GPN1: variants seen among roughly 807,000 people sequenced by gnomAD.
GPN1 encodes GPN-loop GTPase 1, also known as ATP(GTP)-binding protein.
Under a neutral mutation model 55.9 loss-of-function variants are expected in GPN1, and 44 were observed. The ratio of observed to expected loss-of-function variants is 0.79; its 90% confidence interval spans 0.62 to 1.01. The LOEUF is 1.01. Among genes scored for constraint, GPN1 ranks in the 50% least tolerant of loss-of-function variants. The pLI is 0.00. For missense variants in GPN1, 466 were observed against 462.8 expected (o/e 1.01, Z -0.06); for synonymous variants, 179 against 162.5 (o/e 1.10, Z -0.77).
rs1464222757 is a variant in GPN1, at chr2:27,650,019, A to G, written c.1040-96A>G. The G allele has an allele frequency of 5.6e-6, 4 of 719,602 alleles. No homozygotes were observed. In the African/African-American group the frequency reaches 7.0e-5, roughly 13 times the overall value. The allele number at this position is 719,602 out of a possible 1,614,324, so 44.6% of individuals were successfully genotyped here. On this transcript the variant is annotated intron_variant, in intron 13 of 13. Coordinates refer to ENST00000610189, the MANE Select transcript of GPN1 (RefSeq NM_007266.4). ...AGGGAAGTGAGTACTTAAGTTTCTT[A>G]GAAGTAATGTACTGTTTTCTGATGG...
At chr2:27,642,645 C>T (rs1315912186) in intron 12 of GPN1, 126 bp downstream of exon 12, 7 of 603,120 alleles carry the variant, frequency 1.2e-5, no homozygotes, top group Admixed American at 7.9e-5. Flanking sequence ...CTCACCACAA[C>T]CTCCACCTCC....
At chr2:27,634,804 A>G (rs1673668968) in intron 5 of GPN1, 42 bp from the exon 6 acceptor site, 1 of 1,085,044 alleles carries the variant, frequency 9.2e-7, no homozygotes, top group Non-Finnish European at 1.4e-6. Flanking sequence ...CCTTCAGCAT[A>G]ACACAAATGT....
chr2:27,641,085 G>A (rs978187802), intron 10 of GPN1, among the ~76,000 whole-genome samples, 155 bp from the exon 11 acceptor site: 5 of 152,162 alleles, frequency 3.3e-5, no homozygotes, highest in Admixed American at 6.5e-5. Context: ...CCATTGGGTA[G>A]ACTCTGTCAG....
At chr2:27,635,501 A>G (rs1240752146) in intron 7 of GPN1, among the ~76,000 whole-genome samples, 2 of 152,144 alleles carry the variant, frequency 1.3e-5, no homozygotes, top group African/African-American at 4.8e-5. Context: ...ACTGTCTGAT[A>G]GTTGTTCCCA....
At chr2:27,628,402 T>TC (rs1673373581), upstream of GPN1, 2 of 1,551,042 alleles carry the variant, frequency 1.3e-6, no homozygotes, top group African/African-American at 2.7e-5. Context: ...GCACCTGGAA[T>TC]CCAAGCATTC....
In GPN1 at chr2:27,635,133, G is replaced by A; in HGVS notation, c.430-7G>A. 6.5e-7 allele frequency: 1 copy of A among 1,535,548 alleles called. No individual in the cohort carries two copies. The highest frequency in any genetic ancestry group is 9.0e-7 in the Non-Finnish European group (1 of 1,111,708). On this transcript the variant is annotated splice_polypyrimidine_tract_variant and splice_region_variant and intron_variant, in intron 6 of 13. Transcript: ENST00000610189. ...TGACCAAGGCTTTGATTTTTTTGTGGCTTTAGGCATCCTCATTTCCAACAG... is the reference window on the plus strand; with the variant it reads ...TGACCAAGGCTTTGATTTTTTTGTGACTTTAGGCATCCTCATTTCCAACAG...
At chr2:27,630,088 C>T in intron 2 of GPN1, 136 bp downstream of exon 2, 1 of 612,086 alleles carries the variant, frequency 1.6e-6, no homozygotes, top group Non-Finnish European at 3.0e-6. Flanking sequence ...GAGTTCAAGA[C>T]CAGCCTGGCC....
intron 7 of GPN1, among the ~76,000 whole-genome samples, chr2:27,636,817 C>T (rs1673752320): frequency 1.3e-5 from 2 of 152,052 alleles, no homozygotes; most frequent in South Asian, 2.1e-4. Flanking sequence ...TTTGATTTGC[C>T]TGATAGTGTT....
intron 1 of GPN1, 94 bp downstream of exon 1, chr2:27,629,263 G>T: frequency 7.5e-7 from 1 of 1,337,214 alleles, no homozygotes; most frequent in Non-Finnish European, 1.0e-6. Flanking sequence ...AGGATTTGGA[G>T]GGTACCGGCG....
chr2:27,632,802 A>G, intron 5 of GPN1, 132 bp downstream of exon 5: 3 of 637,272 alleles, frequency 4.7e-6, no homozygotes, highest in Non-Finnish European at 8.4e-6. Flanking sequence ...TGAAAAAAAA[A>G]TTGGCAAATC....
upstream of GPN1, chr2:27,628,266 G>C: frequency 1.1e-6 from 1 of 905,640 alleles, no homozygotes; most frequent in Non-Finnish European, 1.6e-6. Flanking sequence ...AGCTACAAAG[G>C]GTCACAGAAA....
chr2:27,642,538 G>A lies in GPN1; in HGVS notation c.931+19G>A. On this transcript the variant is annotated intron_variant, in intron 12 of 13. Transcript: ENST00000610189. ...GCCAAAGGTATTGGAGGGTTTCTTG[G>A]TGTTAGGAACTAAAAAAAGGTTACA... The A allele has an allele frequency of 6.9e-7, 1 of 1,457,398 alleles. No individual in the cohort carries two copies. The highest frequency in any genetic ancestry group is 9.6e-7 in the Non-Finnish European group (1 of 1,040,552). The allele number at this position is 1,457,398 out of a possible 1,614,324, so 90.3% of individuals were successfully genotyped here. A position where few individuals can be genotyped will look rare whatever the true frequency, so the allele number is the denominator to read the frequency against.
chr2:27,635,300 C>CATTTTTTTT, intron 7 of GPN1, 66 bp downstream of exon 7: 1 of 520,136 alleles, frequency 1.9e-6, no homozygotes, highest in East Asian at 3.6e-5. Flanking sequence ...TCTTCTTCCT[C>CATTTTTTTT]TTTTTTTTTT....
intron 12 of GPN1, among the ~76,000 whole-genome samples, chr2:27,645,816 G>C (rs1291677208): frequency 6.6e-6 from 1 of 151,720 alleles, no homozygotes; most frequent in African/African-American, 2.4e-5. Flanking sequence ...TGCAGCCTCT[G>C]CCTCCTGGGT....
In GPN1 at chr2:27,651,173, C is replaced by T. The variant is rs947033969; in HGVS notation, c.*973C>T. The stretch of plus-strand genomic sequence containing the variant: ...CATTTTACAGTATCTTAAAACAGTA[C>T]ATTTCTTTCAAAGAATTTTATCTCT... On this transcript the variant is annotated 3_prime_UTR_variant, in exon 14 of 14. Coordinates refer to ENST00000610189, the MANE Select transcript of GPN1 (RefSeq NM_007266.4). The T allele has an allele frequency of 3.3e-5, 5 of 152,482 alleles. No individual in the cohort carries two copies. Among genetic ancestry groups the T allele is most frequent in the Middle Eastern group, 3.4e-3 (1 of 294 alleles). 9.4% of individuals were successfully genotyped at this position (152,482 alleles called of 1,614,324 possible).
At chr2:27,646,937 AT>A (rs1265567050) in intron 12 of GPN1, among the ~76,000 whole-genome samples, 1 of 152,246 alleles carries the variant, frequency 6.6e-6, no homozygotes, top group Non-Finnish European at 1.5e-5. Flanking sequence ...TCACTTCTGA[AT>A]ATGTGAAGTC....
At chr2:27,641,841 C>T (rs1191342329) in intron 11 of GPN1, among the ~76,000 whole-genome samples, 1 of 152,122 alleles carries the variant, frequency 6.6e-6, no homozygotes, top group Non-Finnish European at 1.5e-5. Context: ...TCCTGCAGTC[C>T]TCCCTGCTGG....
At chr2:27,641,654 C>T (rs1434860294) in intron 11 of GPN1, among the ~76,000 whole-genome samples, 1 of 152,166 alleles carries the variant, frequency 6.6e-6, no homozygotes, top group African/African-American at 2.4e-5. Flanking sequence ...AGTGCAGTGG[C>T]ACGATCGCGG....
chr2:27,631,702 A>T, intron 3 of GPN1, 132 bp from the exon 4 acceptor site: 1 of 696,070 alleles, frequency 1.4e-6, no homozygotes, highest in Non-Finnish European at 2.6e-6. Flanking sequence ...TTTGTATGGT[A>T]GTCAAGGATT....
Sources: allele counts gnomAD v4.1 joint callset (sites outside exome capture counted in the v4.1 genomes callset), GRCh38; gene constraint gnomAD v4.1.1; transcripts MANE v1.5; gene names NCBI Gene and HGNC (gene_info 2026-07-23, HGNC 2026-07-21).